The following ADCY1 variants were observed in gnomAD, a reference collection of about 807,000 sequenced individuals.
ADCY1 encodes adenylate cyclase 1.
Under a neutral mutation model 105.4 loss-of-function variants are expected in ADCY1, and 28 were observed. The ratio of observed to expected loss-of-function variants is 0.27; its 90% CI spans 0.20 to 0.36. ADCY1 has a LOEUF of 0.36. Among genes scored for constraint, ADCY1 ranks in the 10% least tolerant of loss-of-function variants. The probability of loss-of-function intolerance (pLI) is 1.00; values close to 1 mark genes in which losing one functional copy is unlikely to be tolerated. For missense variants in ADCY1, 977 were observed against 1,434.2 expected, an observed-to-expected ratio of 0.68 and a Z score of 5.15; for synonymous variants, 655 against 623.8, an observed-to-expected ratio of 1.05 and a Z score of -0.75.
chr7:45,599,840 G>C (rs1793178364), intron 2 of ADCY1, among the ~76,000 whole-genome samples: 1 of 152,162 alleles, frequency 6.6e-6, no homozygotes, highest in Non-Finnish European at 1.5e-5. Context: ...TGGTCAGGCT[G>C]GTCTCAAACT....
chr7:45,703,484 C>T lies in ADCY1; in HGVS notation c.2563C>T (p.Arg855Trp). Residue 855 changes from arginine (R) to tryptophan (W), a missense_variant, in exon 15 of 20, where the codon CGG becomes TGG. This residue lies in a region of ADCY1 where 152 missense variants were observed against 293.7 expected (regional missense o/e 0.52). Transcript: ENST00000297323. The surrounding 1 kb of genome is among the most constrained non-coding windows in gnomAD (Gnocchi z 5.9). Reference protein sequence around the residue: ...VAQHFLMSNPRNMDLYYQSYS... With the variant: ...VAQHFLMSNPWNMDLYYQSYS... The stretch of plus-strand genomic sequence containing the variant: ...CCAGCACTTCCTCATGTCCAACCCT[C>T]GGAACATGGTGAGCACCCAGCCTGC... 6.2e-7 allele frequency: 1 copy of T among 1,614,110 alleles called. No homozygotes were observed. The highest frequency in any genetic ancestry group is 8.5e-7 in the Non-Finnish European group (1 of 1,179,992).
chr7:45,632,963 A>G (rs1794298990), intron 4 of ADCY1, among the ~76,000 whole-genome samples: 1 of 151,668 alleles, frequency 6.6e-6, no homozygotes, highest in Non-Finnish European at 1.5e-5. Context: ...TGTTGCTTAG[A>G]CTGGAGTGCA....
At position 45,718,400 on chromosome 7, in the gene ADCY1, G is replaced by T. The variant is rs1282330886; in HGVS notation, c.*4405G>T. ...ATGCTGGTACCATCCTGGTAGAAGA[G>T]CCCTCTGAACAGGACACCTGTTCAG... On this transcript the variant is annotated 3_prime_UTR_variant, in exon 20 of 20. Coordinates refer to ENST00000297323, the MANE Select transcript of ADCY1 (RefSeq NM_021116.4). 1 of 152,172 alleles carries T rather than the reference G, an allele frequency of 6.6e-6. No homozygotes were observed. Among genetic ancestry groups the T allele is most frequent in the African/African-American group, 2.4e-5 (1 of 41,434 alleles). 9.4% of individuals were successfully genotyped at this position (152,172 alleles called of 1,614,324 possible).
chr7:45,655,287 TC>T lies in ADCY1; in HGVS notation c.1149-2438del, dbSNP rs1794907103. Reference sequence around the variant, plus strand: ...GAGGTGGGTTGCTTCCTCATTTCCTTCCTGTTGGGGTCCAGCTCAGAGGACC... The same window carrying T: ...GAGGTGGGTTGCTTCCTCATTTCCTTCTGTTGGGGTCCAGCTCAGAGGACC... On this transcript the variant is annotated intron_variant, in intron 5 of 19. Coordinates refer to ENST00000297323, the MANE Select transcript of ADCY1 (RefSeq NM_021116.4). Among the ~76,000 whole-genome samples, 3 of 152,332 alleles carry T rather than the reference TC, an allele frequency of 2.0e-5. No individual in the cohort carries two copies. In the South Asian group the frequency reaches 6.2e-4, roughly 32 times the overall value.
Position 45,622,701 on chromosome 7 carries a change from A to G in ADCY1, c.978A>G (p.Lys326=). The G allele has an allele frequency of 6.2e-7, 1 of 1,609,128 alleles. No individual in the cohort carries two copies. The highest frequency in any genetic ancestry group is 1.4e-5 in the African/African-American group (1 of 73,676). ...AGTGCACAGCCCAGGAGCTGGTGAA[A>G]CTCCTCAATGAGCTCTTCGGCAAGT... ...ASQCTAQELV[K]LLNELFGKFD... Residue 326 remains lysine, a synonymous_variant, in exon 4 of 20, where the codon AAA becomes AAG. Transcript: ENST00000297323.
chr7:45,618,328 T>C (rs1793796475), intron 3 of ADCY1, among the ~76,000 whole-genome samples: 1 of 152,212 alleles, frequency 6.6e-6, no homozygotes, highest in Admixed American at 6.5e-5. Context: ...AGATGTTTTA[T>C]GGCTAAGACC....
rs1015605046 is a variant in ADCY1, at chr7:45,647,737, G to A, written c.1021-933G>A. ...TTCTCACTCATTGTCTTTTGTTTGG[G>A]GAAATGTCGTGATTTTTCATAAAAT... is the stretch of plus-strand genomic sequence containing the variant. On this transcript the variant is annotated intron_variant, in intron 4 of 19. Coordinates refer to ENST00000297323, the MANE Select transcript of ADCY1 (RefSeq NM_021116.4). This position sits in a 1 kb window ranked among gnomAD's most constrained non-coding sequence, Gnocchi z 4.6. Among the ~76,000 whole-genome samples the A allele has an allele frequency of 6.6e-6, 1 of 152,126 alleles. No individual in the cohort carries two copies. The highest frequency in any genetic ancestry group is 2.4e-5 in the African/African-American group (1 of 41,410).
intron 3 of ADCY1, among the ~76,000 whole-genome samples, chr7:45,616,969 G>A (rs1793755532): frequency 6.6e-6 from 1 of 152,182 alleles, no homozygotes; most frequent in Non-Finnish European, 1.5e-5. Flanking sequence ...TGATGGTAGG[G>A]CACCTTGATC....
rs1355545977 is a variant in ADCY1, at chr7:45,721,390, A to G, written c.*7395A>G. The G allele has an allele frequency of 1.2e-5, 4 of 320,504 alleles. No individual in the cohort carries two copies. The highest frequency in any genetic ancestry group is 1.6e-4 in the South Asian group (1 of 6,308). The allele number at this position is 320,504 out of a possible 1,614,324, so 19.9% of individuals were successfully genotyped here. A position where few individuals can be genotyped will look rare whatever the true frequency, so the allele number is the denominator to read the frequency against. On this transcript the variant is annotated 3_prime_UTR_variant, in exon 20 of 20. Coordinates refer to ENST00000297323, the MANE Select transcript of ADCY1 (RefSeq NM_021116.4). ...TCATATCAGACTATATTCTAAAACT[A>G]TATTTGAGCGAAACCTGTCATTGCG... is the stretch of plus-strand genomic sequence containing the variant.
chr7:45,704,454 G>T, intron 16 of ADCY1, 64 bp from the exon 17 acceptor site: 1 of 1,459,506 alleles, frequency 6.9e-7, no homozygotes, highest in South Asian at 1.2e-5. Flanking sequence ...CCTGGGGGCT[G>T]ACGGCTGCAG....
chr7:45,651,579 C>T (rs574532230), intron 5 of ADCY1, among the ~76,000 whole-genome samples: 3 of 152,280 alleles, frequency 2.0e-5, no homozygotes, highest in South Asian at 2.1e-4. Context: ...TGCTGGGCCT[C>T]GCAGCTGGCC....
chr7:45,601,283 G>A (rs1367031997), intron 2 of ADCY1, among the ~76,000 whole-genome samples: 3 of 152,178 alleles, frequency 2.0e-5, no homozygotes, highest in African/African-American at 4.8e-5. Context: ...TGTGGCAGGA[G>A]GCAGGAGAGG....
chr7:45,707,521 G>A (rs576967886), intron 17 of ADCY1, among the ~76,000 whole-genome samples: 1 of 152,312 alleles, frequency 6.6e-6, no homozygotes, highest in East Asian at 1.9e-4. Flanking sequence ...TGGGGGTTGG[G>A]GGAAAGGTGG....
intron 3 of ADCY1, among the ~76,000 whole-genome samples, chr7:45,612,973 C>T (rs1233033072): frequency 6.6e-6 from 1 of 152,172 alleles, no homozygotes; most frequent in East Asian, 1.9e-4. Context: ...GTGAGAGTCT[C>T]CTCCTGTACA....
chr7:45,695,835 C>G (rs1460822497), intron 14 of ADCY1, among the ~76,000 whole-genome samples: 1 of 152,224 alleles, frequency 6.6e-6, no homozygotes, highest in Non-Finnish European at 1.5e-5. Context: ...GTGAAGTTCA[C>G]CTGCAGGCCC....
intron 3 of ADCY1, among the ~76,000 whole-genome samples, chr7:45,614,980 A>G (rs1312936580): frequency 1.3e-5 from 2 of 152,230 alleles, no homozygotes; most frequent in African/African-American, 4.8e-5. Context: ...TCCAGACAAG[A>G]TCAAAAAGAA....
At position 45,712,074 on chromosome 7, in the gene ADCY1, T is replaced by A. The variant is rs866461092; in HGVS notation, c.3057+1422T>A. ...ATATATTAAATATATATTTTATATA[T>A]TATATTAAATATATAATATATTTTA... On this transcript the variant is annotated intron_variant, in intron 19 of 19. Transcript: ENST00000297323. Among the ~76,000 whole-genome samples, 390 of 101,948 alleles carry A rather than the reference T, an allele frequency of 3.8e-3. 1 individual carries two copies. Among genetic ancestry groups the A allele is most frequent in the South Asian group, 9.1e-3 (22 of 2,426 alleles). The allele number at this position is 101,948 out of a possible 152,430, so 66.9% of individuals were successfully genotyped here. A position where few individuals can be genotyped will look rare whatever the true frequency, so the allele number is the denominator to read the frequency against.
intron 2 of ADCY1, among the ~76,000 whole-genome samples, chr7:45,606,823 C>A (rs1417807820): frequency 1.3e-5 from 2 of 152,066 alleles, no homozygotes; most frequent in Non-Finnish European, 2.9e-5. Flanking sequence ...TTGTATGATC[C>A]ATATTCATAT....
At chr7:45,603,955 A>G (rs539460289) in intron 2 of ADCY1, among the ~76,000 whole-genome samples, 1 of 152,276 alleles carries the variant, frequency 6.6e-6, no homozygotes, top group East Asian at 1.9e-4. Context: ...TTGTTGGCCC[A>G]TTGAAGAATG....
Sources: allele counts gnomAD v4.1 joint callset (sites outside exome capture counted in the v4.1 genomes callset), GRCh38; gene constraint gnomAD v4.1.1; regional missense constraint gnomAD v4.1.1; non-coding constraint Gnocchi (gnomAD v3.1); transcripts MANE v1.5; gene names NCBI Gene and HGNC (gene_info 2026-07-23, HGNC 2026-07-21).